Variants in RARB observed in about 807,000 individuals in gnomAD.
RARB encodes the protein HBV-activated protein.
Under a neutral mutation model 51.9 loss-of-function variants are expected in RARB, and 17 were observed. The observed-to-expected ratio is 0.33, with a 90% CI of 0.22 to 0.49. The LOEUF is 0.49. RARB is among the 20% of genes least tolerant of loss of function. The probability of loss-of-function intolerance (pLI) is 0.99; values close to 1 mark genes in which losing one functional copy is unlikely to be tolerated. For missense variants in RARB, 369 were observed against 550.8 expected (o/e 0.67, Z 3.30); for synonymous variants, 215 against 195.4 (o/e 1.10, Z -0.84).
At chr3:25,207,018 C>G (rs932239149) in intron 5 of RARB, among the ~76,000 whole-genome samples, 1 of 152,194 alleles carries the variant, frequency 6.6e-6, no homozygotes, top group Non-Finnish European at 1.5e-5. Context: ...ATTTACTTCT[C>G]TCCTAATAAG....
chr3:24,948,587 C>A (rs1695823694), intron 2 of RARB, among the ~76,000 whole-genome samples: 1 of 152,272 alleles, frequency 6.6e-6, no homozygotes, highest in South Asian at 2.1e-4. Context: ...CCATCCCTTC[C>A]CTACCTATTC....
chr3:24,943,305 T>C (rs936164784), intron 2 of RARB, among the ~76,000 whole-genome samples: 1 of 152,202 alleles, frequency 6.6e-6, no homozygotes, highest in Non-Finnish European at 1.5e-5. Flanking sequence ...CTGCTTGCAA[T>C]GTGATTAGCA....
At chr3:24,911,289 A>C (rs1694984828) in intron 2 of RARB, among the ~76,000 whole-genome samples, 3 of 152,210 alleles carry the variant, frequency 2.0e-5, no homozygotes, top group African/African-American at 7.2e-5. Flanking sequence ...AGTGACATTG[A>C]CAGGATTGTT....
At chr3:25,273,844 T>G (rs1442511398) in intron 5 of RARB, among the ~76,000 whole-genome samples, 2 of 152,220 alleles carry the variant, frequency 1.3e-5, no homozygotes, top group African/African-American at 4.8e-5. Context: ...CAAGGCATCC[T>G]GCTTTTAGCA....
At chr3:25,422,712 AATAAT>A (rs1216079366) in intron 5 of RARB, among the ~76,000 whole-genome samples, 1 of 152,062 alleles carries the variant, frequency 6.6e-6, no homozygotes, top group African/African-American at 2.4e-5. Flanking sequence ...ATTCTAGATG[AATAAT>A]ATAATAAAAA....
rs184800020 is a variant in RARB at position 25,287,515 on chromosome 3, T to C, written c.178+112940T>C. On this transcript the variant is annotated intron_variant, in intron 5 of 11. Coordinates refer to the RARB transcript ENST00000383772. ...AGGAGGGGGAAGCATAGAAACTGCT[T>C]CCATCCATCCTATCCTGGTCCACAC... 3.8e-3 allele frequency among the ~76,000 whole-genome samples: 572 copies of C among 152,244 alleles called. 3 individuals are homozygous for C. Among genetic ancestry groups the C allele is most frequent in the Non-Finnish European group, 7.0e-3 (473 of 68,016 alleles).
chr3:25,061,976 T>A (rs977880942), intron 3 of RARB, among the ~76,000 whole-genome samples: 1 of 151,706 alleles, frequency 6.6e-6, no homozygotes, highest in African/African-American at 2.4e-5. Context: ...ATATTGGAAT[T>A]TAATATAGAA....
upstream of RARB, among the ~76,000 whole-genome samples, chr3:25,426,610 C>T (rs1276954991): frequency 2.0e-5 from 3 of 152,258 alleles, no homozygotes; most frequent in African/African-American, 2.4e-5. Context: ...TGGAGCAGTG[C>T]TCTTCCCTGC....
intron 4 of RARB, among the ~76,000 whole-genome samples, chr3:25,133,516 G>T (rs1265639536): frequency 6.6e-6 from 1 of 151,934 alleles, no homozygotes; most frequent in East Asian, 1.9e-4. Flanking sequence ...CAGTGACATG[G>T]TTTACTGCTT....
intron 4 of RARB, among the ~76,000 whole-genome samples, chr3:25,150,405 C>T (rs1335333020): frequency 1.3e-5 from 2 of 152,118 alleles, no homozygotes; most frequent in African/African-American, 4.8e-5. Context: ...TCCACCTTTC[C>T]TTTGAACAGT....
intron 5 of RARB, among the ~76,000 whole-genome samples, chr3:25,394,049 A>G (rs568231547): frequency 6.6e-6 from 1 of 152,130 alleles, no homozygotes; most frequent in East Asian, 1.9e-4. Flanking sequence ...TAATGCTGTG[A>G]CCTTTTCTCT....
intron 5 of RARB, among the ~76,000 whole-genome samples, chr3:25,357,435 C>T (rs1219139097): frequency 6.6e-6 from 1 of 152,138 alleles, no homozygotes; most frequent in Non-Finnish European, 1.5e-5. Flanking sequence ...GGATAGACTA[C>T]AAAACTTTTC....
Position 25,117,592 on chromosome 3 carries a change from GT to G in RARB, c.-327-14568del, listed in dbSNP as rs574923737. ...GATGGATAGGGGATGGATTAGACATGTGGGAGGAAACAGGTGAATTATTTTA... is the reference window on the plus strand; with the variant it reads ...GATGGATAGGGGATGGATTAGACATGGGGAGGAAACAGGTGAATTATTTTA... On this transcript the variant is annotated intron_variant, in intron 3 of 11. Coordinates refer to the RARB transcript ENST00000383772. Among the ~76,000 whole-genome samples the G allele has an allele frequency of 1.4e-3, 218 of 152,242 alleles. 1 individual carries two copies. The highest frequency in any genetic ancestry group is 8.9e-3 in the South Asian group (43 of 4,814).
chr3:24,876,313 T>A (rs1703041980), intron 2 of RARB, among the ~76,000 whole-genome samples: 1 of 152,146 alleles, frequency 6.6e-6, no homozygotes, highest in Admixed American at 6.5e-5. Context: ...TCTATGACAA[T>A]TATCACTGAA....
At chr3:25,270,988 C>T (rs1329996710) in intron 5 of RARB, among the ~76,000 whole-genome samples, 3 of 152,222 alleles carry the variant, frequency 2.0e-5, no homozygotes, top group Non-Finnish European at 4.4e-5. Context: ...CATACCATCC[C>T]TTGACCAGAT....
At chr3:25,146,864 G>C (rs1274903738) in intron 4 of RARB, among the ~76,000 whole-genome samples, 1 of 152,078 alleles carries the variant, frequency 6.6e-6, no homozygotes, top group Non-Finnish European at 1.5e-5. Context: ...CAGCTTTTTC[G>C]CTAAGCTGTC....
At chr3:25,434,033 T>C (rs1002437765) in intron 1 of RARB, among the ~76,000 whole-genome samples, 1 of 152,144 alleles carries the variant, frequency 6.6e-6, no homozygotes, top group Non-Finnish European at 1.5e-5. Context: ...AAGGGGACCA[T>C]TTAGTAAGAT....
intron 5 of RARB, among the ~76,000 whole-genome samples, chr3:25,420,586 G>A (rs1255796595): frequency 6.6e-6 from 1 of 152,160 alleles, no homozygotes; most frequent in Non-Finnish European, 1.5e-5. Flanking sequence ...TCTAGAGAAA[G>A]ATACATGCAT....
intron 2 of RARB, among the ~76,000 whole-genome samples, chr3:25,036,746 C>T (rs1327833717): frequency 2.0e-5 from 3 of 151,972 alleles, no homozygotes; most frequent in Admixed American, 1.3e-4. Flanking sequence ...GTTAGGATGT[C>T]GAAAAGGCAT....
Sources: gnomAD v4.1 joint callset for allele counts (sites outside exome capture counted in the v4.1 genomes callset) on GRCh38, gnomAD v4.1.1 for gene constraint, MANE v1.5 for transcripts, NCBI Gene and HGNC (gene_info 2026-07-23, HGNC 2026-07-21) for gene names.